The following INSL6 variants were observed in gnomAD, a reference collection of about 807,000 sequenced individuals.
The protein encoded by INSL6 is insulin like 6.
INSL6 carries 16 observed loss-of-function variants against 9.4 expected under a neutral mutation model. The ratio of observed to expected loss-of-function variants is 1.70; its 90% CI spans 1.15 to 2.59. The LOEUF (loss-of-function observed/expected upper bound fraction) is 2.59, where lower values mean the gene tolerates loss of function less well. INSL6 is among the 30% of genes most tolerant of loss of function. The pLI, the probability that INSL6 is intolerant of heterozygous loss-of-function variation, is 0.00. For synonymous variants in INSL6, 154 were observed against 96.9 expected, an observed-to-expected ratio of 1.59 and a Z score of -3.46; for missense variants, 391 against 257.3, an observed-to-expected ratio of 1.52 and a Z score of -3.56.
the INSL6 span, chr9:5,065,147 A>C: frequency 1.0e-5 from 7 of 669,042 alleles, no homozygotes; most frequent in African/African-American, 1.3e-4. Flanking sequence ...ATAATTTGAC[A>C]AGTTTTTTTT....
At chr9:5,105,947 A>C in the INSL6 span, among the ~76,000 whole-genome samples, 1 of 152,244 alleles carries the variant, frequency 6.6e-6, no homozygotes, top group African/African-American at 2.4e-5. Flanking sequence ...TTAGACTTAA[A>C]ACCATAAAAG....
At chr9:5,061,087 C>A in the INSL6 span, among the ~76,000 whole-genome samples, 1 of 152,156 alleles carries the variant, frequency 6.6e-6, no homozygotes, top group African/African-American at 2.4e-5. Flanking sequence ...AGTCAGTAAA[C>A]CATGCTATAA....
At chr9:5,117,982 C>A in the INSL6 span, among the ~76,000 whole-genome samples, 69 of 152,230 alleles carry the variant, frequency 4.5e-4, no homozygotes, top group African/African-American at 1.6e-3. Context: ...AAATTGATAG[C>A]TAATTTTTTT....
chr9:4,997,304 T>C, the INSL6 span, among the ~76,000 whole-genome samples: 206 of 152,282 alleles, frequency 1.4e-3, 5 homozygotes, highest in South Asian at 0.025. Context: ...AGAGATTTAA[T>C]TGGCTCATGG....
chr9:5,095,946 A>G, the INSL6 span, among the ~76,000 whole-genome samples: 1 of 152,144 alleles, frequency 6.6e-6, no homozygotes, highest in African/African-American at 2.4e-5. Flanking sequence ...CATGATTAAC[A>G]CCTATAGTTT....
At chr9:5,055,776 T>C in the INSL6 span, 6 of 1,610,520 alleles carry the variant, frequency 3.7e-6, no homozygotes, top group South Asian at 4.4e-5. Flanking sequence ...ATAAGCAAGA[T>C]GGTAAAAATC....
chr9:5,134,138 T>TTAGAGAA, intron 2 of INSL6, among the ~76,000 whole-genome samples: 1 of 151,290 alleles, frequency 6.6e-6, no homozygotes, highest in Admixed American at 6.6e-5. Flanking sequence ...GAAGACAAGA[T>TTAGAGAA]TAGAGAAAAA....
At chr9:5,100,343 C>G in the INSL6 span, 7 of 152,210 alleles carry the variant, frequency 4.6e-5, no homozygotes, top group Non-Finnish European at 1.0e-4. Flanking sequence ...TGTGATTTCA[C>G]TTTAATTCTA....
chr9:5,031,569 T>C, the INSL6 span, among the ~76,000 whole-genome samples: 2 of 152,202 alleles, frequency 1.3e-5, no homozygotes, highest in Non-Finnish European at 2.9e-5. Flanking sequence ...AAATTATAGA[T>C]TGATTAAAGA....
chr9:4,997,034 T>G, the INSL6 span, among the ~76,000 whole-genome samples: 588 of 150,484 alleles, frequency 3.9e-3, 4 homozygotes, highest in Non-Finnish European at 6.1e-3. Context: ...GGTCCAGTGA[T>G]CCTCCTACCT....
chr9:5,144,482 C>T (rs561646350), intron 2 of INSL6, among the ~76,000 whole-genome samples: 7 of 151,692 alleles, frequency 4.6e-5, no homozygotes, highest in South Asian at 2.1e-4. Context: ...TCTGTTGTTT[C>T]GGGGTATCTA....
chr9:5,097,871 C>T, the INSL6 span: 1 of 152,202 alleles, frequency 6.6e-6, no homozygotes, highest in Non-Finnish European at 1.5e-5. Context: ...AGGTTATATG[C>T]TTAATCAGAC....
chr9:5,042,471 C>T, the INSL6 span, among the ~76,000 whole-genome samples: 38 of 152,246 alleles, frequency 2.5e-4, no homozygotes, highest in Admixed American at 2.0e-3. Context: ...TGTGTCTAGT[C>T]CTCCCCTCCA....
At chr9:5,152,015 A>T (rs994829473) in intron 2 of INSL6, among the ~76,000 whole-genome samples, 2 of 152,238 alleles carry the variant, frequency 1.3e-5, no homozygotes, top group Non-Finnish European at 2.9e-5. Context: ...AAATATAATG[A>T]CACAAGAATC....
the INSL6 span, among the ~76,000 whole-genome samples, chr9:5,086,533 T>C: frequency 6.6e-6 from 1 of 152,196 alleles, no homozygotes; most frequent in African/African-American, 2.4e-5. Flanking sequence ...ATACTTTTAG[T>C]ACTCATTGTT....
the INSL6 span, among the ~76,000 whole-genome samples, chr9:5,027,958 G>A: frequency 3.6e-3 from 546 of 152,296 alleles, 4 homozygotes; most frequent in African/African-American, 0.013. Flanking sequence ...ACCCATGAGA[G>A]CCAGAATCAG....
At chr9:5,096,751 T>C in the INSL6 span, 5 of 152,190 alleles carry the variant, frequency 3.3e-5, no homozygotes, top group African/African-American at 1.2e-4. Context: ...GTGGGGATAG[T>C]GGGTACCTCC....
chr9:5,068,309 C>G, the INSL6 span, among the ~76,000 whole-genome samples: 1 of 151,758 alleles, frequency 6.6e-6, no homozygotes, highest in African/African-American at 2.4e-5. Context: ...AATAGGTGAA[C>G]AAGTTCATAA....
the INSL6 span, among the ~76,000 whole-genome samples, chr9:4,992,143 T>C: frequency 1.5e-3 from 222 of 152,300 alleles, no homozygotes; most frequent in African/African-American, 4.4e-3. Context: ...ACTGGAATCA[T>C]CTGGAGGTGT....
Sources: gnomAD v4.1 joint callset for allele counts (sites outside exome capture counted in the v4.1 genomes callset) on GRCh38, gnomAD v4.1.1 for gene constraint, MANE v1.5 for transcripts, NCBI Gene and HGNC (gene_info 2026-07-23, HGNC 2026-07-21) for gene names.